The following ASPHD2 variants were observed in gnomAD, a reference collection of about 807,000 sequenced individuals.
The protein encoded by ASPHD2 is aspartate beta-hydroxylase domain containing 2, also known as aspartate beta-hydroxylase domain-containing protein 2.
In ASPHD2, 12 loss-of-function variants were observed where a neutral mutation model predicts 34.6. The observed-to-expected ratio is 0.35, with a 90% CI of 0.22 to 0.56. ASPHD2 has a LOEUF of 0.56. Ranked by LOEUF, ASPHD2 falls within the 20% of genes least tolerant of loss-of-function variation. The pLI, the probability that ASPHD2 is intolerant of heterozygous loss-of-function variation, is 0.87. For missense variants in ASPHD2, 375 were observed against 505.0 expected (o/e 0.74, Z 2.47); for synonymous variants, 224 against 212.2 (o/e 1.06, Z -0.48).
Position 26,438,478 on chromosome 22 carries a change from T to TAC in ASPHD2, c.886+3979_887-3978dup, listed in dbSNP as rs746025012. Among the ~76,000 whole-genome samples, 92 of 109,180 alleles carry TAC rather than the reference T, an allele frequency of 8.4e-4. 1 individual carries two copies. Among genetic ancestry groups the TAC allele is most frequent in the Middle Eastern group, 4.7e-3 (1 of 214 alleles). 71.6% of individuals were successfully genotyped at this position (109,180 alleles called of 152,430 possible). A position where few individuals can be genotyped will look rare whatever the true frequency, so the allele number is the denominator to read the frequency against. On this transcript the variant is annotated intron_variant, in intron 2 of 3. Transcript: ENST00000215906. ...ATATATATACACACACACATATATA[T>TAC]ACATATATATAGATACACACATACA...
Position 26,443,438 on chromosome 22 carries a change from C to T in ASPHD2, c.*232C>T. 1 of 475,764 alleles carries T rather than the reference C, an allele frequency of 2.1e-6. No homozygotes were observed. Among genetic ancestry groups the T allele is most frequent in the Middle Eastern group, 5.9e-4 (1 of 1,690 alleles). 29.5% of individuals were successfully genotyped at this position (475,764 alleles called of 1,614,324 possible). On this transcript the variant is annotated 3_prime_UTR_variant, in exon 4 of 4. Coordinates refer to ENST00000215906, the MANE Select transcript of ASPHD2 (RefSeq NM_020437.5). ...TTTTTTTTTTCCTTCCAATCATTTG[C>T]TTCAGAGACTCCTTTCTGGCCTAAC...
rs2084769776 is a variant in ASPHD2, at chr22:26,433,581, G to C, written c.-35G>C. 6.5e-7 allele frequency: 1 copy of C among 1,537,906 alleles called. No individual in the cohort carries two copies. The highest frequency in any genetic ancestry group is 2.0e-5 in the Admixed American group (1 of 50,022). On this transcript the variant is annotated 5_prime_UTR_variant, in exon 2 of 4. Transcript: ENST00000215906. This position sits in a 1 kb window ranked among gnomAD's most constrained non-coding sequence, Gnocchi z 5.1. The stretch of plus-strand genomic sequence containing the variant: ...ATCGGTGGCAGCCATGCCTCCCCCT[G>C]CCCCAGCCGCTCCTTCCCCCCCACG...
chr22:26,431,427 AAAAAAC>A (rs1169645529), intron 1 of ASPHD2, among the ~76,000 whole-genome samples: 2 of 151,982 alleles, frequency 1.3e-5, no homozygotes, highest in South Asian at 4.1e-4. Context: ...GAAAAAAAAA[AAAAAAC>A]AAAAGAAAAC....
At chr22:26,436,841 CATGT>C (rs58762271) in intron 2 of ASPHD2, among the ~76,000 whole-genome samples, 2,245 of 108,498 alleles carry the variant, frequency 0.021, 50 homozygotes, top group African/African-American at 0.087. Context: ...GATATGCATG[CATGT>C]GTGTGTGTGT....
Position 26,438,490 on chromosome 22 carries a change from G to C in ASPHD2, c.887-3969G>C, listed in dbSNP as rs200992236. On this transcript the variant is annotated intron_variant, in intron 2 of 3. Transcript: ENST00000215906. ...ACACACATATATATACATATATATA[G>C]ATACACACATACATATATATACATA... Among the ~76,000 whole-genome samples, 184 of 40,940 alleles carry C rather than the reference G, an allele frequency of 4.5e-3. 2 individuals are homozygous for C. Among genetic ancestry groups the C allele is most frequent in the Middle Eastern group, 0.029 (2 of 70 alleles). The allele number at this position is 40,940 out of a possible 152,430, so 26.9% of individuals were successfully genotyped here. A position where few individuals can be genotyped will look rare whatever the true frequency, so the allele number is the denominator to read the frequency against.
chr22:26,430,863 G>A (rs2084751927), intron 1 of ASPHD2, among the ~76,000 whole-genome samples: 1 of 152,156 alleles, frequency 6.6e-6, no homozygotes, highest in African/African-American at 2.4e-5. Context: ...TTTGCTTACA[G>A]CTCAGCCTTA....
rs533171029 is a variant in ASPHD2 at position 26,443,977 on chromosome 22, C to T, written c.*771C>T. On this transcript the variant is annotated 3_prime_UTR_variant, in exon 4 of 4. Transcript: ENST00000215906. ...AGCTGCGGCTCACACAGATCAGCCA[C>T]GGAACGTGTGATCCGCTTACCTCAC... The T allele has an allele frequency of 6.6e-5, 10 of 152,352 alleles. No homozygotes were observed. Among genetic ancestry groups the T allele is most frequent in the Non-Finnish European group, 1.0e-4 (7 of 68,036 alleles). The allele number at this position is 152,352 out of a possible 1,614,324, so 9.4% of individuals were successfully genotyped here.
At chr22:26,436,505 C>T (rs1375666294) in intron 2 of ASPHD2, among the ~76,000 whole-genome samples, 1 of 152,170 alleles carries the variant, frequency 6.6e-6, no homozygotes, top group East Asian at 1.9e-4. Context: ...GGAGCGGAAT[C>T]ATCCCCTGGG....
intron 2 of ASPHD2, 61 bp from the exon 3 acceptor site, chr22:26,442,398 T>C (rs957189222): frequency 2.3e-6 from 3 of 1,286,384 alleles, no homozygotes; most frequent in Non-Finnish European, 3.3e-6. Context: ...TCACCCCCTA[T>C]CTCCTGGCCT....
At chr22:26,432,448 C>T (rs1286500797) in intron 1 of ASPHD2, among the ~76,000 whole-genome samples, 1 of 152,196 alleles carries the variant, frequency 6.6e-6, no homozygotes. Flanking sequence ...TGGCTGTTCT[C>T]ATTGTATTAG....
At chr22:26,436,891 A>ACTGTGGC (rs2084796161) in intron 2 of ASPHD2, among the ~76,000 whole-genome samples, 2 of 152,008 alleles carry the variant, frequency 1.3e-5, no homozygotes, top group South Asian at 4.2e-4. Flanking sequence ...GCTGGCTCAC[A>ACTGTGGC]CTGTGGCCTG....
Position 26,433,531 on chromosome 22 carries a change from A to T in ASPHD2, c.-85A>T. 1 of 1,049,358 alleles carries T rather than the reference A, an allele frequency of 9.5e-7. No homozygotes were observed. The allele number at this position is 1,049,358 out of a possible 1,614,324, so 65.0% of individuals were successfully genotyped here. A position where few individuals can be genotyped will look rare whatever the true frequency, so the allele number is the denominator to read the frequency against. On this transcript the variant is annotated 5_prime_UTR_variant, in exon 2 of 4. An upstream start codon of the reference 5' UTR is lost. Transcript: ENST00000215906. The surrounding 1 kb of genome is among the most constrained non-coding windows in gnomAD (Gnocchi z 5.1). ...GCACGGCCAACCTTGTCGTTCATCA[A>T]TGCCGCCCCTGGCAGTATCTGAGGA...
In ASPHD2 at chr22:26,434,194, G is replaced by A. The variant is rs1304014401; in HGVS notation, c.579G>A (p.Arg193=). The A allele has an allele frequency of 6.2e-7, 1 of 1,613,652 alleles. No individual in the cohort carries two copies. Among genetic ancestry groups the A allele is most frequent in the Non-Finnish European group, 8.5e-7 (1 of 1,179,854 alleles). The stretch of plus-strand genomic sequence containing the variant: ...AACATGATGTGGAAGTGCTGGAACG[G>A]AACTTCCAGACCATCCTGTGTGAGT... The part of the protein sequence containing the change: ...AQKHDVEVLE[R]NFQTILCEFE... Residue 193 remains arginine (R), a synonymous_variant, in exon 2 of 4, where the codon CGG becomes CGA. Transcript: ENST00000215906.
rs1413555255 is a variant in ASPHD2, at chr22:26,429,969, GTCCC to G, written c.-225+484_-225+487del. Among the ~76,000 whole-genome samples the G allele has an allele frequency of 3.3e-5, 5 of 151,866 alleles. No individual in the cohort carries two copies. Among genetic ancestry groups the G allele is most frequent in the Non-Finnish European group, 7.4e-5 (5 of 67,976 alleles). On this transcript the variant is annotated intron_variant, in intron 1 of 3. Transcript: ENST00000215906. The surrounding 1 kb of genome is among the most constrained non-coding windows in gnomAD (Gnocchi z 4.5). Reference sequence around the variant, plus strand: ...TCCGGGCAACACTCACCTTTCCATCGTCCCATCCCCCTCCTCCCCTGACCTCCTG... The same window carrying G: ...TCCGGGCAACACTCACCTTTCCATCGATCCCCCTCCTCCCCTGACCTCCTG...
chr22:26,440,881 G>A (rs1437289656), intron 2 of ASPHD2, among the ~76,000 whole-genome samples: 1 of 152,200 alleles, frequency 6.6e-6, no homozygotes, highest in Non-Finnish European at 1.5e-5. Context: ...GTAAGGCAAG[G>A]TTCTAAACCC....
chr22:26,437,144 T>A (rs1016129002), intron 2 of ASPHD2, among the ~76,000 whole-genome samples: 4 of 152,202 alleles, frequency 2.6e-5, no homozygotes, highest in African/African-American at 9.7e-5. Context: ...TGACCTTGTG[T>A]GTTGACAGAG....
intron 2 of ASPHD2, among the ~76,000 whole-genome samples, chr22:26,435,136 C>T (rs1020320582): frequency 1.3e-5 from 2 of 152,178 alleles, no homozygotes; most frequent in Non-Finnish European, 2.9e-5. Context: ...CTTGGCCCCA[C>T]CACGAGCTGT....
chr22:26,442,303 C>T (rs966512212), intron 2 of ASPHD2, among the ~76,000 whole-genome samples, 156 bp from the exon 3 acceptor site: 1 of 152,132 alleles, frequency 6.6e-6, no homozygotes, highest in Non-Finnish European at 1.5e-5. Context: ...GACACAAGCC[C>T]ACAAGCCTTC....
intron 2 of ASPHD2, among the ~76,000 whole-genome samples, chr22:26,438,721 A>C (rs2084817761): frequency 6.6e-6 from 1 of 151,240 alleles, no homozygotes; most frequent in African/African-American, 2.4e-5. Context: ...GAGTTTATTA[A>C]GTATTAACCC....
Sources: gnomAD v4.1 joint callset for allele counts (sites outside exome capture counted in the v4.1 genomes callset) on GRCh38, gnomAD v4.1.1 for gene constraint, Gnocchi (gnomAD v3.1) non-coding constraint, MANE v1.5 for transcripts, NCBI Gene and HGNC (gene_info 2026-07-23, HGNC 2026-07-21) for gene names.